Variants in DCLK2 observed in about 807,000 individuals in gnomAD.
DCLK2 encodes the protein serine/threonine-protein kinase DCLK2.
A neutral mutation model predicts 78.4 loss-of-function variants in DCLK2; 31 were observed. The observed-to-expected ratio is 0.40, with a 90% confidence interval of 0.30 to 0.53. The LOEUF is 0.53. Among genes scored for constraint, DCLK2 ranks in the 20% least tolerant of loss-of-function variants. The pLI, the probability that DCLK2 is intolerant of heterozygous loss-of-function variation, is 0.61. For missense variants in DCLK2, 872 were observed against 973.7 expected (o/e 0.90, Z 1.39); for synonymous variants, 407 against 374.9 (o/e 1.09, Z -0.99).
chr4:150,184,662 C>T (rs60447192), intron 2 of DCLK2, among the ~76,000 whole-genome samples: 9,265 of 148,620 alleles, frequency 0.062, 920 homozygotes, highest in African/African-American at 0.21. Flanking sequence ...AGTGCAGTAG[C>T]GCGATCTCGG....
chr4:150,195,012 G>A (rs2126388388), intron 3 of DCLK2, among the ~76,000 whole-genome samples: 1 of 146,886 alleles, frequency 6.8e-6, no homozygotes, highest in African/African-American at 2.5e-5. Context: ...TATTCTGTTG[G>A]ACTGGCCCTA....
Position 150,229,032 on chromosome 4 carries a change from C to CA in DCLK2, c.1300-3295dup, listed in dbSNP as rs777461441. Among the ~76,000 whole-genome samples, 426 of 103,630 alleles carry CA rather than the reference C, an allele frequency of 4.1e-3. 1 individual carries two copies. Among genetic ancestry groups the CA allele is most frequent in the Non-Finnish European group, 6.1e-3 (310 of 50,770 alleles). The allele number at this position is 103,630 out of a possible 152,430, so 68.0% of individuals were successfully genotyped here. ...TGGGCAACAGAGCGAGACTCCGTCT[C>CA]AAAAAAAAAACAAAAAAAAAAACTA... On this transcript the variant is annotated intron_variant, in intron 8 of 15. Coordinates refer to ENST00000296550, the MANE Select transcript of DCLK2 (RefSeq NM_001040260.4).
rs746315066 is a variant in DCLK2, at chr4:150,221,696, C to T, written c.1152C>T (p.Cys384=). 5 of 1,597,978 alleles carry T rather than the reference C, an allele frequency of 3.1e-6. No individual in the cohort carries two copies. The highest frequency in any genetic ancestry group is 3.5e-5 in the Admixed American group (2 of 56,844). The change falls in exon 7 of 16, where the codon TGC becomes TGT. Residue 384 remains cysteine, a synonymous_variant. Transcript: ENST00000296550. ...ISPEGVNGNR[C]SESSTLLEKY... is the part of the protein sequence containing the mutation. ...TTGCAGGTGTGAATGGAAACAGATG[C>T]TCTGAATCATCAACTCTTCTTGAGA...
intron 2 of DCLK2, among the ~76,000 whole-genome samples, chr4:150,143,211 G>T (rs947585017): frequency 1.3e-5 from 2 of 152,078 alleles, no homozygotes; most frequent in Non-Finnish European, 2.9e-5. Flanking sequence ...CAATTCCATA[G>T]TGTGCGTATT....
In DCLK2 at chr4:150,172,772, G is replaced by A. The variant is rs1179447148; in HGVS notation, c.757-20366G>A. Among the ~76,000 whole-genome samples the A allele has an allele frequency of 4.6e-5, 6 of 129,046 alleles. No individual in the cohort carries two copies. The South Asian group carries it at 1.5e-3, about 33-fold the overall frequency. 84.7% of individuals were successfully genotyped at this position (129,046 alleles called of 152,430 possible). A position where few individuals can be genotyped will look rare whatever the true frequency, so the allele number is the denominator to read the frequency against. On this transcript the variant is annotated intron_variant, in intron 2 of 15. Transcript: ENST00000296550. ...TTCTTTTTTTTTTTGGGGGGGGGGG[G>A]GATACCTTGCTCTTTCTCATCTTTG... is the stretch of plus-strand genomic sequence containing the variant.
At chr4:150,231,957 A>G (rs756108535) in intron 8 of DCLK2, among the ~76,000 whole-genome samples, 1 of 152,206 alleles carries the variant, frequency 6.6e-6, no homozygotes, top group Non-Finnish European at 1.5e-5. Flanking sequence ...TTGTGAGTGT[A>G]TACCGAAATC....
At chr4:150,207,497 G>C (rs1739926797) in intron 5 of DCLK2, among the ~76,000 whole-genome samples, 1 of 152,174 alleles carries the variant, frequency 6.6e-6, no homozygotes, top group South Asian at 2.1e-4. Flanking sequence ...CATTAAGAGA[G>C]ATATAAAATA....
chr4:150,163,015 T>C (rs1735812512), intron 2 of DCLK2, among the ~76,000 whole-genome samples: 1 of 152,194 alleles, frequency 6.6e-6, no homozygotes, highest in South Asian at 2.1e-4. Flanking sequence ...GCGCAACACA[T>C]CTTTCTTTCT....
chr4:150,253,534 G>A, intron 15 of DCLK2: 2 of 1,289,662 alleles, frequency 1.6e-6, no homozygotes, highest in Non-Finnish European at 2.0e-6. Flanking sequence ...TGAGACAGTG[G>A]GAGAGCCTGA....
At chr4:150,115,044 T>C (rs77813234) in intron 2 of DCLK2, among the ~76,000 whole-genome samples, 5,920 of 152,336 alleles carry the variant, frequency 0.039, 242 homozygotes, top group Admixed American at 0.085. Flanking sequence ...TTTGGCCATT[T>C]TATATAATCC....
Position 150,079,156 on chromosome 4 carries a change from G to C in DCLK2, c.129G>C (p.Gly43=). ...GSSSSGPKGN[G]LIPSPAHSAH... ...GCAGCTCGGGCCCCAAGGGGAACGG[G>C]CTCATCCCCAGTCCGGCGCACAGTG... Residue 43 remains glycine (G), a synonymous_variant, in exon 1 of 16, where the codon GGG becomes GGC. Transcript: ENST00000296550. 6.2e-7 allele frequency: 1 copy of C among 1,604,706 alleles called. No homozygotes were observed. The highest frequency in any genetic ancestry group is 8.5e-7 in the Non-Finnish European group (1 of 1,175,636).
chr4:150,134,910 A>G (rs536895235), intron 2 of DCLK2, among the ~76,000 whole-genome samples: 1 of 152,116 alleles, frequency 6.6e-6, no homozygotes, highest in East Asian at 1.9e-4. Context: ...GGGGTGAACA[A>G]TTACCTCCCT....
Position 150,203,788 on chromosome 4 carries a change from T to G in DCLK2, c.962-7T>G, listed in dbSNP as rs1484502079. The G allele has an allele frequency of 6.2e-7, 1 of 1,610,832 alleles. No individual in the cohort carries two copies. The highest frequency in any genetic ancestry group is 1.3e-5 in the African/African-American group (1 of 74,868). ...GACTTCTGTCTTCTTTGTTGTCTCA[T>G]GGGCAGTTAATGGAACTCCCAGCAG... is the stretch of plus-strand genomic sequence containing the variant. On this transcript the variant is annotated splice_polypyrimidine_tract_variant and splice_region_variant and intron_variant, in intron 4 of 15. Transcript: ENST00000296550.
intron 5 of DCLK2, chr4:150,209,788 A>G (rs1740150616): frequency 6.6e-6 from 1 of 152,374 alleles, no homozygotes; most frequent in Non-Finnish European, 1.5e-5. Flanking sequence ...CTATTACAAC[A>G]TTTAGGGCCA....
At chr4:150,122,976 A>C (rs1439960967) in intron 2 of DCLK2, among the ~76,000 whole-genome samples, 1 of 152,212 alleles carries the variant, frequency 6.6e-6, no homozygotes, top group Non-Finnish European at 1.5e-5. Context: ...CTCAGCCTTC[A>C]TAGAATTGAA....
intron 5 of DCLK2, among the ~76,000 whole-genome samples, chr4:150,212,812 G>C (rs1423878191): frequency 6.6e-6 from 1 of 152,220 alleles, no homozygotes; most frequent in African/African-American, 2.4e-5. Flanking sequence ...TGGCATATGT[G>C]TTAAACTTAA....
At chr4:150,107,993 G>A (rs1010155267) in intron 2 of DCLK2, among the ~76,000 whole-genome samples, 1 of 152,030 alleles carries the variant, frequency 6.6e-6, no homozygotes, top group Non-Finnish European at 1.5e-5. Context: ...AATGTGAAGT[G>A]TAAGGAATCA....
chr4:150,094,124 T>A (rs1385340249), intron 1 of DCLK2, among the ~76,000 whole-genome samples: 1 of 152,206 alleles, frequency 6.6e-6, no homozygotes. Flanking sequence ...AGGGAAAAGT[T>A]TCATGACATT....
chr4:150,224,651 C>T, intron 8 of DCLK2, 93 bp downstream of exon 8: 1 of 1,003,728 alleles, frequency 1.0e-6, no homozygotes, highest in Non-Finnish European at 1.5e-6. Flanking sequence ...GGACTTGACA[C>T]AACTATCACA....
Sources: gnomAD v4.1 joint callset for allele counts (sites outside exome capture counted in the v4.1 genomes callset) on GRCh38, gnomAD v4.1.1 for gene constraint, MANE v1.5 for transcripts, NCBI Gene and HGNC (gene_info 2026-07-23, HGNC 2026-07-21) for gene names.